The following POGLUT1 variants were observed in gnomAD, a reference collection of about 807,000 sequenced individuals.
POGLUT1 encodes the protein 9630046K23Rik.
In POGLUT1, 32 loss-of-function variants were observed where a neutral mutation model predicts 61.3. The observed-to-expected ratio is 0.52, with a 90% CI of 0.39 to 0.70. The LOEUF is 0.70. POGLUT1 is among the 30% of genes least tolerant of loss of function. The probability of loss-of-function intolerance (pLI) is 0.00; values close to 1 mark genes in which losing one functional copy is unlikely to be tolerated. For synonymous variants in POGLUT1, 158 were observed against 158.2 expected (o/e 1.00, Z 0.01); for missense variants, 411 against 469.8 (o/e 0.87, Z 1.16).
At chr3:119,475,863 G>A (rs1455414134) in intron 3 of POGLUT1, among the ~76,000 whole-genome samples, 1 of 151,432 alleles carries the variant, frequency 6.6e-6, no homozygotes, top group East Asian at 1.9e-4. Flanking sequence ...GCTCTCACCT[G>A]TAATCCCAGC....
At chr3:119,490,904 A>G (rs1460266516) in intron 9 of POGLUT1, among the ~76,000 whole-genome samples, 186 bp downstream of exon 9, 1 of 152,152 alleles carries the variant, frequency 6.6e-6, no homozygotes, top group Non-Finnish European at 1.5e-5. Flanking sequence ...CTATAAGTGG[A>G]ATTTAATTTG....
chr3:119,478,504 T>C (rs937198803), intron 4 of POGLUT1: 2 of 443,254 alleles, frequency 4.5e-6, no homozygotes, highest in Non-Finnish European at 9.0e-6. Context: ...GTGTTTGTTA[T>C]CTATCTGTTG....
chr3:119,489,781 T>C (rs2081718669), intron 8 of POGLUT1: 1 of 152,168 alleles, frequency 6.6e-6, no homozygotes, highest in Non-Finnish European at 1.5e-5. Context: ...AAGCGAGCAT[T>C]ACCGCCTGAG....
intron 5 of POGLUT1, among the ~76,000 whole-genome samples, chr3:119,483,031 A>T (rs1377212652): frequency 6.6e-6 from 1 of 152,220 alleles, no homozygotes; most frequent in Non-Finnish European, 1.5e-5. Flanking sequence ...TATATGAAAC[A>T]CAGCTTCCCC....
chr3:119,490,326 T>C, intron 8 of POGLUT1: 1 of 536,946 alleles, frequency 1.9e-6, no homozygotes, highest in South Asian at 2.3e-5. Flanking sequence ...ATCCCCTATT[T>C]TTCCTCACCC....
At chr3:119,489,047 C>A in intron 8 of POGLUT1, 60 bp downstream of exon 8, 1 of 941,302 alleles carries the variant, frequency 1.1e-6, no homozygotes, top group Non-Finnish European at 1.7e-6. Flanking sequence ...AATAGCTTCA[C>A]TTTGGGTGAG....
Position 119,492,497 on chromosome 3 carries a change from A to C in POGLUT1, c.*59A>C. On this transcript the variant is annotated 3_prime_UTR_variant, in exon 11 of 11. Transcript: ENST00000295588. Reference sequence around the variant, plus strand: ...AACAGATCTCAGATATCCTACGGTGAGAAGCTTACCATAAGCTTGGCACCT... The same window carrying C: ...AACAGATCTCAGATATCCTACGGTGCGAAGCTTACCATAAGCTTGGCACCT... The C allele has an allele frequency of 8.4e-7, 1 of 1,193,390 alleles. No homozygotes were observed. The highest frequency in any genetic ancestry group is 2.0e-4 in the Middle Eastern group (1 of 4,988). The allele number at this position is 1,193,390 out of a possible 1,614,324, so 73.9% of individuals were successfully genotyped here.
At chr3:119,484,333 C>T (rs2081640869) in intron 5 of POGLUT1, among the ~76,000 whole-genome samples, 1 of 152,172 alleles carries the variant, frequency 6.6e-6, no homozygotes, top group African/African-American at 2.4e-5. Context: ...CCATCAATCC[C>T]TCATTAACTT....
chr3:119,484,610 G>A lies in POGLUT1; in HGVS notation c.579-718G>A, dbSNP rs529555091. ...CCCACCTATGGAAAACATAAAATCA[G>A]AGAGTGATTTCCCTTTCATTCCATT... On this transcript the variant is annotated intron_variant, in intron 5 of 10. Coordinates refer to ENST00000295588, the MANE Select transcript of POGLUT1 (RefSeq NM_152305.3). Among the ~76,000 whole-genome samples the A allele has an allele frequency of 3.3e-5, 5 of 152,326 alleles. No individual in the cohort carries two copies. In the East Asian group the frequency reaches 5.8e-4, roughly 18 times the overall value.
chr3:119,491,511 AT>A lies in POGLUT1; in HGVS notation c.966-3del. 2.1e-6 allele frequency: 3 copies of A among 1,454,490 alleles called. No individual in the cohort carries two copies. The highest frequency in any genetic ancestry group is 2.9e-6 in the Non-Finnish European group (3 of 1,048,792). 90.1% of individuals were successfully genotyped at this position (1,454,490 alleles called of 1,614,324 possible). A position where few individuals can be genotyped will look rare whatever the true frequency, so the allele number is the denominator to read the frequency against. Reference sequence around the variant, plus strand: ...TATTTCACAGTCTAAAATTCTTTTCATTTTAGAGAGCTGTTACAATTTGTAA... The same window carrying A: ...TATTTCACAGTCTAAAATTCTTTTCATTTAGAGAGCTGTTACAATTTGTAA... On this transcript the variant is annotated splice_polypyrimidine_tract_variant and splice_region_variant and intron_variant, in intron 9 of 10. Transcript: ENST00000295588.
At chr3:119,483,499 C>A (rs1430282591) in intron 5 of POGLUT1, among the ~76,000 whole-genome samples, 1 of 152,172 alleles carries the variant, frequency 6.6e-6, no homozygotes, top group Non-Finnish European at 1.5e-5. Context: ...GGTGATAAAA[C>A]CTACCTCTTA....
At chr3:119,487,842 A>G (rs1284134063) in intron 7 of POGLUT1, among the ~76,000 whole-genome samples, 2 of 152,208 alleles carry the variant, frequency 1.3e-5, no homozygotes, top group African/African-American at 2.4e-5. Flanking sequence ...CAGAGAGCTT[A>G]AGAAAATGAA....
intron 3 of POGLUT1, among the ~76,000 whole-genome samples, chr3:119,475,324 T>C (rs928199324): frequency 2.6e-5 from 4 of 152,248 alleles, no homozygotes; most frequent in African/African-American, 9.6e-5. Context: ...GCATAATAAC[T>C]TATTATATGG....
chr3:119,475,767 G>A (rs960962643), intron 3 of POGLUT1, among the ~76,000 whole-genome samples: 1 of 150,622 alleles, frequency 6.6e-6, no homozygotes, highest in African/African-American at 2.4e-5. Context: ...AGCTGAGATT[G>A]CGCCATTGCA....
In POGLUT1 at chr3:119,478,977, T is replaced by G. The variant is rs2081575487; in HGVS notation, c.457-1074T>G. Among the ~76,000 whole-genome samples the G allele has an allele frequency of 2.0e-5, 3 of 151,616 alleles. No individual in the cohort carries two copies. In the South Asian group the frequency reaches 6.3e-4, roughly 32 times the overall value. On this transcript the variant is annotated intron_variant, in intron 4 of 10. Coordinates refer to ENST00000295588, the MANE Select transcript of POGLUT1 (RefSeq NM_152305.3). Reference sequence around the variant, plus strand: ...TCTCACTCTGTTGCCCAGGCTGGAGTGCAGTGGCGCGATCTCAGCTCACTG... The same window carrying G: ...TCTCACTCTGTTGCCCAGGCTGGAGGGCAGTGGCGCGATCTCAGCTCACTG...
At position 119,471,104 on chromosome 3, in the gene POGLUT1, C is replaced by G. The variant is rs183930451; in HGVS notation, c.177-205C>G. On this transcript the variant is annotated intron_variant, in intron 2 of 10. Coordinates refer to ENST00000295588, the MANE Select transcript of POGLUT1 (RefSeq NM_152305.3). Reference sequence around the variant, plus strand: ...GAAGGAGGAAGAAGAGACATTGACCCGCTTTTTACTTTTTATTGCTTTATT... The same window carrying G: ...GAAGGAGGAAGAAGAGACATTGACCGGCTTTTTACTTTTTATTGCTTTATT... Among the ~76,000 whole-genome samples, 7 of 152,338 alleles carry G rather than the reference C, an allele frequency of 4.6e-5. No homozygotes were observed. The East Asian group carries it at 1.2e-3, about 25-fold the overall frequency.
At chr3:119,476,217 A>C (rs771550856) in intron 3 of POGLUT1, among the ~76,000 whole-genome samples, 31 of 152,194 alleles carry the variant, frequency 2.0e-4, no homozygotes, top group Non-Finnish European at 4.1e-4. Context: ...TAATTGTCCT[A>C]CAAAGAGGCT....
chr3:119,487,418 C>T (rs1374822989), intron 7 of POGLUT1, among the ~76,000 whole-genome samples: 2 of 152,064 alleles, frequency 1.3e-5, no homozygotes, highest in South Asian at 2.1e-4. Flanking sequence ...GAAACCCCGT[C>T]TCTACTAAAA....
intron 5 of POGLUT1, among the ~76,000 whole-genome samples, chr3:119,483,778 A>G (rs2081633093): frequency 6.6e-6 from 1 of 152,164 alleles, no homozygotes; most frequent in Non-Finnish European, 1.5e-5. Flanking sequence ...TTACCCACTA[A>G]ATGCCAGTAG....
Sources: allele counts gnomAD v4.1 joint callset (sites outside exome capture counted in the v4.1 genomes callset), GRCh38; gene constraint gnomAD v4.1.1; transcripts MANE v1.5; gene names NCBI Gene and HGNC (gene_info 2026-07-23, HGNC 2026-07-21).